Variants in ZNF561 observed in about 807,000 individuals in gnomAD.
The protein encoded by ZNF561 is zinc finger protein 561.
Under a neutral mutation model 16.7 loss-of-function variants are expected in ZNF561, and 16 were observed. That is an observed-to-expected ratio of 0.96 (90% confidence interval 0.65 to 1.45). ZNF561 has a LOEUF of 1.45. Among genes scored for constraint, ZNF561 ranks in the 40% most tolerant of loss-of-function variants. ZNF561 has a pLI of 0.00. For missense variants in ZNF561, 580 were observed against 578.0 expected, an observed-to-expected ratio of 1.00 and a Z score of -0.04; for synonymous variants, 190 against 192.1, an observed-to-expected ratio of 0.99 and a Z score of 0.09.
At chr19:9,615,226 T>G (rs747221849) in intron 4 of ZNF561, among the ~76,000 whole-genome samples, 1 of 152,112 alleles carries the variant, frequency 6.6e-6, no homozygotes, top group Non-Finnish European at 1.5e-5. Context: ...CAAAAAAGAT[T>G]GGTTATCTCT....
At chr19:9,611,928 T>C (rs2074465993) in intron 5 of ZNF561, among the ~76,000 whole-genome samples, 1 of 152,138 alleles carries the variant, frequency 6.6e-6, no homozygotes, top group Non-Finnish European at 1.5e-5. Flanking sequence ...TCAGTTTGTT[T>C]GTTTATTTAT....
rs369111765 is a variant in ZNF561 at position 9,610,627 on chromosome 19, G to C, written c.1034C>G (p.Ala345Gly). The change falls in exon 6 of 6, where the codon GCC becomes GGC. Residue 345 changes from alanine to glycine, a missense_variant. Transcript: ENST00000302851. ...AGAAAGGCCCGAGTACTGAGCAAAG[G>C]CTTGGCCACATTCCTTACATTCATA... is the stretch of plus-strand genomic sequence containing the variant. ...KPYECKECGQ[A>G]FAQYSGLSIH... The C allele has an allele frequency of 3.2e-5, 52 of 1,613,926 alleles. No homozygotes were observed. The highest frequency in any genetic ancestry group is 5.1e-6 in the Non-Finnish European group (6 of 1,179,968).
intron 3 of ZNF561, chr19:9,617,381 A>T (rs2074574698): frequency 1.7e-6 from 2 of 1,160,050 alleles, no homozygotes; most frequent in Non-Finnish European, 1.1e-6. Context: ...ACTTTTTAAA[A>T]TTTTTTTAAA....
intron 4 of ZNF561, among the ~76,000 whole-genome samples, chr19:9,614,915 T>A (rs1305348598): frequency 2.0e-5 from 3 of 151,532 alleles, no homozygotes; most frequent in Non-Finnish European, 4.4e-5. Flanking sequence ...GTTGGCTCAA[T>A]GCAACCTCTG....
chr19:9,618,550 C>A (rs558911658), intron 2 of ZNF561, among the ~76,000 whole-genome samples: 180 of 151,602 alleles, frequency 1.2e-3, no homozygotes, highest in African/African-American at 4.1e-3. Flanking sequence ...CACGGTGAAA[C>A]CCCATCTCTA....
intron 5 of ZNF561, among the ~76,000 whole-genome samples, chr19:9,612,961 A>C (rs916150092): frequency 4.0e-5 from 6 of 151,716 alleles, no homozygotes; most frequent in Non-Finnish European, 1.5e-5. Context: ...ACGCCCTGCT[A>C]ATTTTTTATT....
chr19:9,611,633 C>T (rs1020033902), intron 5 of ZNF561, among the ~76,000 whole-genome samples: 2 of 151,914 alleles, frequency 1.3e-5, no homozygotes, highest in Non-Finnish European at 2.9e-5. Flanking sequence ...TTTGTAGAAA[C>T]AAGGTTTTGC....
intron 4 of ZNF561, among the ~76,000 whole-genome samples, chr19:9,614,739 T>C: frequency 6.6e-6 from 1 of 151,998 alleles, no homozygotes; most frequent in East Asian, 1.9e-4. Context: ...TTTTATTAGA[T>C]CATAGGAATG....
chr19:9,610,981 A>G lies in ZNF561; in HGVS notation c.680T>C (p.Phe227Ser), dbSNP rs1405600112. The change falls in exon 6 of 6, where the codon TTT becomes TCT. Residue 227 changes from phenylalanine (F) to serine (S), a missense_variant. By Grantham distance (155) the Phe-to-Ser change is radical (BLOSUM62 -2). Transcript: ENST00000302851. ...GIHTDEKLCE[F>S]QEYGRAVTAS... is the part of the protein sequence containing the mutation. ...TGTGACAGCTCTCCCATATTCCTGA[A>G]ATTCACAGAGTTTCTCATCAGTGTG... 5 of 1,614,032 alleles carry G rather than the reference A, an allele frequency of 3.1e-6. No homozygotes were observed. The African/African-American group carries it at 6.7e-5, about 22-fold the overall frequency.
At chr19:9,611,484 A>G in intron 5 of ZNF561, 148 bp from the exon 6 acceptor site, 1 of 894,214 alleles carries the variant, frequency 1.1e-6, no homozygotes. Flanking sequence ...GTCTTGTTCT[A>G]TCTCCCTGTC....
chr19:9,610,200 C>T lies in ZNF561; in HGVS notation c.1461G>A (p.Ter487=). 1 of 1,569,910 alleles carries T rather than the reference C, an allele frequency of 6.4e-7. No homozygotes were observed. The highest frequency in any genetic ancestry group is 1.2e-5 in the South Asian group (1 of 85,536). Residue 487 remains the stop codon, a stop_retained_variant, in exon 6 of 6, where the codon TAG becomes TAA. Transcript: ENST00000302851. ...ATAATTAAAGATGGCAACCGATGGG[C>T]TAAATGGTAACACTCATATCCTTGC... ...YECKDMSVTI[*] is the part of the protein sequence containing the mutation.
At chr19:9,617,313 G>A in intron 3 of ZNF561, 142 bp from the exon 4 acceptor site, 2 of 1,327,458 alleles carry the variant, frequency 1.5e-6, no homozygotes, top group South Asian at 2.5e-5. Context: ...AATGTCTCAG[G>A]AGCTCTTGTG....
intron 5 of ZNF561, 84 bp downstream of exon 5, chr19:9,613,937 C>T (rs1009536515): frequency 9.8e-6 from 15 of 1,538,316 alleles, no homozygotes; most frequent in Admixed American, 6.8e-5. Context: ...GTAAGCCACA[C>T]CTCTGACTGA....
In ZNF561 at chr19:9,608,264, AGAGAGAGAGAAAGAG is replaced by A. The variant is rs1288516028; in HGVS notation, c.*1921_*1935del. On this transcript the variant is annotated 3_prime_UTR_variant, in exon 6 of 6. Transcript: ENST00000302851. ...GAGGGGAAGGAGAGAGATGGTGGGGAGAGAGAGAGAAAGAGGAGAGAGGAGAGAGGAGAAAGGAGA... is the reference window on the plus strand; with the variant it reads ...GAGGGGAAGGAGAGAGATGGTGGGGAGAGAGAGGAGAGAGGAGAAAGGAGA... The A allele has an allele frequency of 1.3e-5, 2 of 151,342 alleles. No individual in the cohort carries two copies. The highest frequency in any genetic ancestry group is 2.9e-5 in the Non-Finnish European group (2 of 67,852). 9.4% of individuals were successfully genotyped at this position (151,342 alleles called of 1,614,324 possible).
chr19:9,614,292 A>T, intron 4 of ZNF561, 189 bp from the exon 5 acceptor site: 1 of 601,902 alleles, frequency 1.7e-6, no homozygotes, highest in Non-Finnish European at 2.9e-6. Flanking sequence ...GTGTTTAGAT[A>T]GTTTATTACA....
rs549730826 is a variant in ZNF561 at position 9,609,562 on chromosome 19, A to G, written c.*638T>C. 5.9e-5 allele frequency: 9 copies of G among 152,390 alleles called. No individual in the cohort carries two copies. The highest frequency in any genetic ancestry group is 2.0e-4 in the Admixed American group (3 of 15,300). The allele number at this position is 152,390 out of a possible 1,614,324, so 9.4% of individuals were successfully genotyped here. On this transcript the variant is annotated 3_prime_UTR_variant, in exon 6 of 6. Coordinates refer to ENST00000302851, the MANE Select transcript of ZNF561 (RefSeq NM_152289.3). ...AGATCATGAGTGGGATTCATGGACT[A>G]TATCAGCCACCTTGACAGAAGTGAG...
chr19:9,616,432 C>T (rs2074555138), intron 4 of ZNF561, among the ~76,000 whole-genome samples: 1 of 151,878 alleles, frequency 6.6e-6, no homozygotes, highest in African/African-American at 2.4e-5. Context: ...AGGTGCCTGC[C>T]AACAAGTCTG....
chr19:9,612,108 A>G (rs2144876860), intron 5 of ZNF561, among the ~76,000 whole-genome samples: 1 of 151,672 alleles, frequency 6.6e-6, no homozygotes, highest in East Asian at 2.0e-4. Flanking sequence ...TTGTAGTTTT[A>G]GTAGAGACAG....
At chr19:9,619,731 T>C (rs1037489322) in intron 1 of ZNF561, 149 bp from the exon 2 acceptor site, 1 of 357,490 alleles carries the variant, frequency 2.8e-6, no homozygotes, top group African/African-American at 2.1e-5. Flanking sequence ...TTAATAACAG[T>C]AACTGACATT....
Sources: gnomAD v4.1 joint callset for allele counts (sites outside exome capture counted in the v4.1 genomes callset) on GRCh38, gnomAD v4.1.1 for gene constraint, MANE v1.5 for transcripts, NCBI Gene and HGNC (gene_info 2026-07-23, HGNC 2026-07-21) for gene names.